SRP68: variants seen among roughly 807,000 people sequenced by gnomAD.
SRP68 encodes the protein signal recognition particle subunit SRP68.
Under a neutral mutation model 82.2 loss-of-function variants are expected in SRP68, and 15 were observed. That is an observed-to-expected ratio of 0.18 (90% CI 0.12 to 0.28). SRP68 has a LOEUF of 0.28. Ranked by LOEUF, SRP68 falls within the 10% of genes least tolerant of loss-of-function variation. SRP68 has a pLI of 1.00. For synonymous variants in SRP68, 261 were observed against 292.6 expected, an observed-to-expected ratio of 0.89 and a Z score of 1.10; for missense variants, 595 against 780.5, an observed-to-expected ratio of 0.76 and a Z score of 2.83.
Position 76,050,455 on chromosome 17 carries a change from C to A in SRP68, c.1050G>T (p.Val350=). Reference sequence around the variant, plus strand: ...GATCTGGCTTGAGCTCCTCCCGAACCACCTGGATGGCGTCCCGACACTCGC... The same window carrying A: ...GATCTGGCTTGAGCTCCTCCCGAACAACCTGGATGGCGTCCCGACACTCGC... ...MLSECRDAIQ[V]VREELKPDQK... is the part of the protein sequence containing the mutation. The change falls in exon 9 of 16, where the codon GTG becomes GTT. Residue 350 remains valine, a synonymous_variant. Transcript: ENST00000307877. 1.2e-6 allele frequency: 2 copies of A among 1,613,974 alleles called. No individual in the cohort carries two copies. Among genetic ancestry groups the A allele is most frequent in the Non-Finnish European group, 1.7e-6 (2 of 1,179,940 alleles).
At chr17:76,050,274 G>A (rs542241071) in intron 9 of SRP68, among the ~76,000 whole-genome samples, 154 bp downstream of exon 9, 2 of 152,244 alleles carry the variant, frequency 1.3e-5, no homozygotes, top group African/African-American at 4.8e-5. Flanking sequence ...AGAGGCCCTT[G>A]TTTGCTCCCT....
intron 8 of SRP68, 59 bp from the exon 9 acceptor site, chr17:76,050,585 TG>T: frequency 7.4e-7 from 1 of 1,357,762 alleles, no homozygotes. Context: ...AGTCACCTAA[TG>T]GGAGAGGAGC....
rs1177967318 is a variant in SRP68, at chr17:76,043,972, A to G, written c.1395-14T>C. ...ATGAAAAAACACCTGATGGGGAGGG[A>G]AAAGAGCCACAATATTCTAAAGCAG... On this transcript the variant is annotated splice_polypyrimidine_tract_variant and intron_variant, in intron 12 of 15. Transcript: ENST00000307877. 6.3e-7 allele frequency: 1 copy of G among 1,592,974 alleles called. No homozygotes were observed.
rs3785439 is a variant in SRP68 at position 76,041,882 on chromosome 17, C to A, written c.1525-904G>T. 1.2e-4 allele frequency among the ~76,000 whole-genome samples: 18 copies of A among 152,062 alleles called. No individual in the cohort carries two copies. In the East Asian group the frequency reaches 3.1e-3, roughly 26 times the overall value. On this transcript the variant is annotated intron_variant, in intron 13 of 15. Transcript: ENST00000307877. ...GGCGTGACTCCATCAACGACAGGAACCTTTGCTTGCTTTTTTTTTTCTTTT... is the reference window on the plus strand; with the variant it reads ...GGCGTGACTCCATCAACGACAGGAAACTTTGCTTGCTTTTTTTTTTCTTTT...
At chr17:76,056,898 C>G (rs1267779330) in intron 8 of SRP68, among the ~76,000 whole-genome samples, 1 of 152,182 alleles carries the variant, frequency 6.6e-6, no homozygotes, top group Non-Finnish European at 1.5e-5. Flanking sequence ...TGTTTGTACC[C>G]ACCAATAGGT....
In SRP68 at chr17:76,043,872, T is replaced by A. The variant is rs1260788909; in HGVS notation, c.1481A>T (p.Asn494Ile). Reference protein sequence around the residue: ...VLYDRVLKYANEVNSDAGAFK... With the variant: ...VLYDRVLKYAIEVNSDAGAFK... ...GGCGCCAGCATCAGAATTTACTTCA[T>A]TTGCATATTTCAGGACTCTGTCATA... The change falls in exon 13 of 16, where the codon AAT becomes ATT. Residue 494 changes from asparagine (N) to isoleucine (I), a missense_variant. This residue lies in a region of SRP68 where 495 missense variants were observed against 688.6 expected (regional missense o/e 0.72). Coordinates refer to ENST00000307877, the MANE Select transcript of SRP68 (RefSeq NM_014230.4). The A allele has an allele frequency of 2.5e-6, 4 of 1,611,076 alleles. No individual in the cohort carries two copies. Among genetic ancestry groups the A allele is most frequent in the Non-Finnish European group, 3.4e-6 (4 of 1,179,224 alleles).
In SRP68 at chr17:76,072,482, C is replaced by T; in HGVS notation, c.10G>A (p.Glu4Lys). Residue 4 changes from glutamate to lysine, a missense_variant, in exon 1 of 16, where the codon GAG (glutamate) becomes AAG (lysine). Physicochemically the swap from Glu to Lys is moderately conservative, Grantham distance 56. This residue lies in a region of SRP68 where 100 missense variants were observed against 91.9 expected (regional missense o/e 1.09). Transcript: ENST00000307877. The surrounding 1 kb of genome is among the most constrained non-coding windows in gnomAD (Gnocchi z 4.5). MAA[E>K]KQVPGGGGGG... ...CCGCCGCCGCCTGGGACCTGCTTCT[C>T]AGCAGCCATCTTGCCCCTGCGCCGC... 1 of 1,583,514 alleles carries T rather than the reference C, an allele frequency of 6.3e-7. No individual in the cohort carries two copies. The highest frequency in any genetic ancestry group is 8.5e-7 in the Non-Finnish European group (1 of 1,172,474).
chr17:76,070,235 AAAAAC>A, intron 2 of SRP68, 138 bp downstream of exon 2: 2 of 709,702 alleles, frequency 2.8e-6, no homozygotes, highest in South Asian at 3.8e-5. Flanking sequence ...AAAAAAAAAA[AAAAAC>A]AAAGCAAACA....
chr17:76,070,242 A>T, intron 2 of SRP68, 136 bp downstream of exon 2: 1 of 716,002 alleles, frequency 1.4e-6, no homozygotes, highest in Admixed American at 2.9e-5. Context: ...AAAAAAAACA[A>T]AGCAAACAAA....
intron 7 of SRP68, among the ~76,000 whole-genome samples, chr17:76,059,769 G>A (rs1323167835): frequency 7.2e-6 from 1 of 139,764 alleles, no homozygotes; most frequent in African/African-American, 2.8e-5. Flanking sequence ...TTTAGCCTGA[G>A]CGACAGAGTA....
intron 8 of SRP68, among the ~76,000 whole-genome samples, chr17:76,055,081 C>T (rs1384123066): frequency 5.3e-5 from 8 of 151,508 alleles, no homozygotes; most frequent in Non-Finnish European, 1.2e-4. Flanking sequence ...CTCAGCCTCC[C>T]GAGTAGCTGG....
At position 76,072,475 on chromosome 17, in the gene SRP68, T is replaced by G; in HGVS notation, c.17A>C (p.Gln6Pro). MAAEK[Q>P]VPGGGGGGGS... The stretch of plus-strand genomic sequence containing the variant: ...GCCGCCGCCGCCGCCGCCTGGGACC[T>G]GCTTCTCAGCAGCCATCTTGCCCCT... The change falls in exon 1 of 16, where the codon CAG becomes CCG. Residue 6 changes from glutamine (Q) to proline (P), a missense_variant. This residue lies in a region of SRP68 where 100 missense variants were observed against 91.9 expected (regional missense o/e 1.09). Transcript: ENST00000307877. This position sits in a 1 kb window ranked among gnomAD's most constrained non-coding sequence, Gnocchi z 4.5. 3.8e-6 allele frequency: 6 copies of G among 1,581,428 alleles called. No individual in the cohort carries two copies. Among genetic ancestry groups the G allele is most frequent in the South Asian group, 3.4e-5 (3 of 89,182 alleles).
At chr17:76,067,371 GAGTATTT>G in intron 2 of SRP68, 41 bp from the exon 3 acceptor site, 1 of 1,437,236 alleles carries the variant, frequency 7.0e-7, no homozygotes, top group Non-Finnish European at 9.8e-7. Context: ...GCCAAGCTGA[GAGTATTT>G]TGAATAATAA....
At chr17:76,040,801 A>T (rs1454499081) in intron 14 of SRP68, 102 bp downstream of exon 14, 1 of 1,143,176 alleles carries the variant, frequency 8.7e-7, no homozygotes, top group African/African-American at 1.5e-5. Context: ...AGATGAACCA[A>T]GACAACCCTT....
chr17:76,068,653 A>C (rs947622601), intron 2 of SRP68, among the ~76,000 whole-genome samples: 2 of 152,178 alleles, frequency 1.3e-5, no homozygotes, highest in African/African-American at 4.8e-5. Context: ...CCTCTATGCC[A>C]AGCCTCCTCC....
At chr17:76,067,051 A>G (rs185160979) in intron 3 of SRP68, among the ~76,000 whole-genome samples, 166 bp downstream of exon 3, 1 of 152,082 alleles carries the variant, frequency 6.6e-6, no homozygotes, top group East Asian at 1.9e-4. Flanking sequence ...TGAACAACCT[A>G]ATGTATCTCT....
At chr17:76,063,865 C>A in intron 4 of SRP68, 111 bp downstream of exon 4, 1 of 950,370 alleles carries the variant, frequency 1.1e-6, no homozygotes. Context: ...AAGTTTTTTT[C>A]CTCTTCTGAC....
intron 12 of SRP68, among the ~76,000 whole-genome samples, chr17:76,044,411 G>A (rs1453110613): frequency 6.6e-6 from 1 of 152,214 alleles, no homozygotes; most frequent in East Asian, 1.9e-4. Flanking sequence ...AGCAGAGCCT[G>A]AGCGCTGCTG....
intron 4 of SRP68, 105 bp downstream of exon 4, chr17:76,063,871 C>T (rs2066787756): frequency 1.9e-6 from 2 of 1,043,698 alleles, no homozygotes; most frequent in East Asian, 2.6e-5. Context: ...TTTTCCTCTT[C>T]TGACTGTCAC....
Sources: gnomAD v4.1 joint callset for allele counts (sites outside exome capture counted in the v4.1 genomes callset) on GRCh38, gnomAD v4.1.1 for gene constraint, gnomAD v4.1.1 regional missense constraint, Gnocchi (gnomAD v3.1) non-coding constraint, MANE v1.5 for transcripts, NCBI Gene and HGNC (gene_info 2026-07-23, HGNC 2026-07-21) for gene names.